CACNA1B: variants seen among roughly 807,000 people sequenced by gnomAD.
CACNA1B encodes voltage-dependent N-type calcium channel subunit alpha-1B.
A neutral mutation model predicts 247.2 loss-of-function variants in CACNA1B; 70 were observed. The observed-to-expected ratio is 0.28, with a 90% CI of 0.23 to 0.35. The LOEUF (loss-of-function observed/expected upper bound fraction) is 0.35, where lower values mean the gene tolerates loss of function less well. Ranked by LOEUF, CACNA1B falls within the 10% of genes least tolerant of loss-of-function variation. The pLI is 1.00. For missense variants in CACNA1B, 2,367 were observed against 3,197.4 expected, an observed-to-expected ratio of 0.74 and a Z score of 6.26; for synonymous variants, 1,231 against 1,294.4, an observed-to-expected ratio of 0.95 and a Z score of 1.05.
chr9:138,118,273 G>A (rs1436907521), intron 43 of CACNA1B, among the ~76,000 whole-genome samples, 192 bp downstream of exon 43: 1 of 48,212 alleles, frequency 2.1e-5, no homozygotes, highest in Admixed American at 2.0e-4. Context: ...GGTGGGGGAC[G>A]TGTGAGACTG....
At chr9:138,104,532 G>A (rs980320444) in intron 38 of CACNA1B, among the ~76,000 whole-genome samples, 2 of 152,204 alleles carry the variant, frequency 1.3e-5, no homozygotes, top group African/African-American at 2.4e-5. Flanking sequence ...AGGACTGGAC[G>A]TGGCAAGTGG....
chr9:138,076,619 G>C (rs1432602835), intron 35 of CACNA1B, among the ~76,000 whole-genome samples: 2 of 152,226 alleles, frequency 1.3e-5, no homozygotes, highest in African/African-American at 4.8e-5. Flanking sequence ...CCTGGGCGCG[G>C]AACAGGAGCT....
intron 6 of CACNA1B, among the ~76,000 whole-genome samples, chr9:137,945,956 C>A (rs1957791041): frequency 6.6e-6 from 1 of 152,136 alleles, no homozygotes; most frequent in Admixed American, 6.5e-5. Flanking sequence ...GTAACTGGGA[C>A]AACAGGCGTG....
rs955187431 is a variant in CACNA1B at position 137,983,083 on chromosome 9, G to A, written c.1657-1055G>A. 5.3e-5 allele frequency among the ~76,000 whole-genome samples: 8 copies of A among 152,334 alleles called. 1 individual carries two copies. The South Asian group carries it at 8.3e-4, about 16-fold the overall frequency. The stretch of plus-strand genomic sequence containing the variant: ...TATTCATCGTTCTCTCAGTGACTTC[G>A]TAAGAGCATTGACGTTAAGCTCATC... On this transcript the variant is annotated intron_variant, in intron 12 of 46. Coordinates refer to ENST00000371372, the MANE Select transcript of CACNA1B (RefSeq NM_000718.4).
In CACNA1B at chr9:138,052,975, A is replaced by G. The variant is rs757066686; in HGVS notation, c.3807+787A>G. On this transcript the variant is annotated intron_variant, in intron 25 of 46. Coordinates refer to ENST00000371372, the MANE Select transcript of CACNA1B (RefSeq NM_000718.4). The surrounding 1 kb of genome is among the most constrained non-coding windows in gnomAD (Gnocchi z 5.1). ...TGTGAGGTGTCTTCCCAGCTCTGAGAGCAGCATTGTGTGCACAGGGAATGC... is the reference window on the plus strand; with the variant it reads ...TGTGAGGTGTCTTCCCAGCTCTGAGGGCAGCATTGTGTGCACAGGGAATGC... 7.2e-5 allele frequency among the ~76,000 whole-genome samples: 11 copies of G among 152,200 alleles called. No homozygotes were observed. Among genetic ancestry groups the G allele is most frequent in the Non-Finnish European group, 1.6e-4 (11 of 68,034 alleles).
intron 3 of CACNA1B, among the ~76,000 whole-genome samples, chr9:137,906,698 T>C (rs183570320): frequency 6.6e-6 from 1 of 151,136 alleles, no homozygotes; most frequent in African/African-American, 2.4e-5. Context: ...ATTTAACATA[T>C]GTGTTTCTCT....
Position 138,058,229 on chromosome 9 carries a change from A to G in CACNA1B, c.4287A>G (p.Glu1429=). Reference sequence around the variant, plus strand: ...AGCAGGGGGACAAGGTGATGTCTGAATGCAGCCTGGAGAAGAACGAGGTAG... The same window carrying G: ...AGCAGGGGGACAAGGTGATGTCTGAGTGCAGCCTGGAGAAGAACGAGGTAG... ...FQEQGDKVMS[E]CSLEKNERAC... is the part of the protein sequence containing the mutation. Residue 1429 remains glutamate (E), a synonymous_variant, in exon 28 of 47, where the codon GAA becomes GAG. Transcript: ENST00000371372. The surrounding 1 kb of genome is among the most constrained non-coding windows in gnomAD (Gnocchi z 4.7). 6.2e-7 allele frequency: 1 copy of G among 1,613,858 alleles called. No homozygotes were observed. Among genetic ancestry groups the G allele is most frequent in the East Asian group, 2.2e-5 (1 of 44,878 alleles).
chr9:138,097,296 G>A (rs1041878785), intron 37 of CACNA1B, among the ~76,000 whole-genome samples: 2 of 152,182 alleles, frequency 1.3e-5, no homozygotes, highest in Non-Finnish European at 2.9e-5. Context: ...CAGAGGAGGA[G>A]TCGCATGAAG....
At position 138,059,330 on chromosome 9, in the gene CACNA1B, G is replaced by C; in HGVS notation, c.4584+141G>C. ...TATATGTAATGCTACAGGGGCCCTG[G>C]GGAAGGGGCTGTTCTGAGACTCTTG... On this transcript the variant is annotated intron_variant, in intron 30 of 46. Transcript: ENST00000371372. The surrounding 1 kb of genome is among the most constrained non-coding windows in gnomAD (Gnocchi z 4.2). 3.1e-6 allele frequency: 2 copies of C among 643,442 alleles called. No individual in the cohort carries two copies. The highest frequency in any genetic ancestry group is 5.5e-5 in the East Asian group (2 of 36,414). The allele number at this position is 643,442 out of a possible 1,614,324, so 39.9% of individuals were successfully genotyped here. A position where few individuals can be genotyped will look rare whatever the true frequency, so the allele number is the denominator to read the frequency against.
rs1026268587 is a variant in CACNA1B at position 137,957,412 on chromosome 9, C to T, written c.1244-186C>T. On this transcript the variant is annotated intron_variant, in intron 9 of 46. Transcript: ENST00000371372. This position sits in a 1 kb window ranked among gnomAD's most constrained non-coding sequence, Gnocchi z 4.7. ...ACCCCTCACCCTCAAAATTCCTTGT[C>T]CCTTCAGCTCTGGGGACTGGGAGGG... Among the ~76,000 whole-genome samples, 9 of 152,338 alleles carry T rather than the reference C, an allele frequency of 5.9e-5. No individual in the cohort carries two copies. The East Asian group carries it at 1.5e-3, about 26-fold the overall frequency.
At chr9:138,043,672 G>A (rs1045393515) in intron 20 of CACNA1B, 102 bp from the exon 21 acceptor site, 2 of 1,348,940 alleles carry the variant, frequency 1.5e-6, no homozygotes, top group Non-Finnish European at 2.1e-6. Flanking sequence ...GGCCTGTGAG[G>A]ACCTGACGCA....
At chr9:138,112,283 A>G in intron 39 of CACNA1B, 115 bp from the exon 40 acceptor site, 1 of 714,634 alleles carries the variant, frequency 1.4e-6, no homozygotes, top group South Asian at 1.6e-5. Context: ...TCTGTACCCC[A>G]TCTCCGCCTA....
Position 137,984,145 on chromosome 9 carries a change from T to A in CACNA1B, c.1664T>A (p.Val555Glu). ...AATGCCATCCCGTTGCAGGTCATCGTGGGGAGCGTCTTTGAAGTGGTCTGG... is the reference window on the plus strand; with the variant it reads ...AATGCCATCCCGTTGCAGGTCATCGAGGGGAGCGTCTTTGAAGTGGTCTGG... ...SFNCFDFGVI[V>E]GSVFEVVWAA... The change falls in exon 13 of 47, where the codon GTG (valine) becomes GAG (glutamate). Residue 555 changes from valine to glutamate, a missense_variant. By Grantham distance (121) the Val-to-Glu change is moderately radical. Transcript: ENST00000371372. 1.3e-6 allele frequency: 2 copies of A among 1,595,298 alleles called. No homozygotes were observed. Among genetic ancestry groups the A allele is most frequent in the Non-Finnish European group, 1.7e-6 (2 of 1,171,144 alleles).
In CACNA1B at chr9:137,986,879, G is replaced by A; in HGVS notation, c.1974+25G>A. 1 of 1,583,456 alleles carries A rather than the reference G, an allele frequency of 6.3e-7. No homozygotes were observed. Among genetic ancestry groups the A allele is most frequent in the Non-Finnish European group, 8.7e-7 (1 of 1,152,748 alleles). ...GGTAAGGCACCTGCTCTGCACATTT[G>A]CGGCCTGCCCGGCTCCCGTCTCCCC... On this transcript the variant is annotated intron_variant, in intron 15 of 46. Transcript: ENST00000371372. This position sits in a 1 kb window ranked among gnomAD's most constrained non-coding sequence, Gnocchi z 6.0.
intron 10 of CACNA1B, among the ~76,000 whole-genome samples, chr9:137,965,826 G>A (rs757811464): frequency 1.1e-4 from 16 of 152,096 alleles, no homozygotes; most frequent in South Asian, 4.1e-4. Flanking sequence ...CTCATGATCC[G>A]CCCGCCTTGG....
At chr9:137,992,758 C>T (rs1025787061) in intron 15 of CACNA1B, among the ~76,000 whole-genome samples, 3 of 150,554 alleles carry the variant, frequency 2.0e-5, no homozygotes, top group Non-Finnish European at 4.4e-5. Context: ...GATCCGGCCA[C>T]TGCACTCCAG....
chr9:138,006,803 C>T lies in CACNA1B; in HGVS notation c.2011C>T (p.His671Tyr), dbSNP rs552845454. The change falls in exon 16 of 47, where the codon CAC (histidine) becomes TAC (tyrosine). Residue 671 changes from histidine to tyrosine, a missense_variant. Transcript: ENST00000371372. ...AGAGGACTGGAATGCAGTGATGTAT[C>T]ACGGGATCGAATCGCAAGGCGGCGT... is the stretch of plus-strand genomic sequence containing the variant. Reference protein sequence around the residue: ...TGEDWNAVMYHGIESQGGVSK... With the variant: ...TGEDWNAVMYYGIESQGGVSK... 1 of 1,610,488 alleles carries T rather than the reference C, an allele frequency of 6.2e-7. No homozygotes were observed. Among genetic ancestry groups the T allele is most frequent in the East Asian group, 2.2e-5 (1 of 44,848 alleles).
chr9:138,013,134 A>C lies in CACNA1B; in HGVS notation c.2166A>C (p.Glu722Asp). 5 of 1,612,800 alleles carry C rather than the reference A, an allele frequency of 3.1e-6. No individual in the cohort carries two copies. The highest frequency in any genetic ancestry group is 4.2e-6 in the Non-Finnish European group (5 of 1,178,906). ...LANAQELTKDEEEMEEAANQK... is the reference protein window; with the variant it reads ...LANAQELTKDDEEMEEAANQK... ...ATTTCTCTTTGCTCAAACAGGATGAAGAGGAGATGGAAGAAGCAGCCAATC... is the reference window on the plus strand; with the variant it reads ...ATTTCTCTTTGCTCAAACAGGATGACGAGGAGATGGAAGAAGCAGCCAATC... The change falls in exon 18 of 47, where the codon GAA becomes GAC. Residue 722 changes from glutamate to aspartate, a missense_variant. By Grantham distance (45) the Glu-to-Asp change is conservative. This residue lies in a region of CACNA1B where 76 missense variants were observed against 191.0 expected (regional missense o/e 0.40). Transcript: ENST00000371372.
At position 138,102,938 on chromosome 9, in the gene CACNA1B, CG is replaced by C. The variant is rs1961302817; in HGVS notation, c.5319+133del. 6.8e-6 allele frequency: 4 copies of C among 590,740 alleles called. No homozygotes were observed. Among genetic ancestry groups the C allele is most frequent in the Non-Finnish European group, 1.2e-5 (4 of 331,630 alleles). 36.6% of individuals were successfully genotyped at this position (590,740 alleles called of 1,614,324 possible). A position where few individuals can be genotyped will look rare whatever the true frequency, so the allele number is the denominator to read the frequency against. ...TGTCTGCCGCTCTGCTGTGCGCCCC[CG>C]GCTGCCTCACTGTGTCTTTCTCTTC... On this transcript the variant is annotated intron_variant, in intron 38 of 46. Transcript: ENST00000371372. This position sits in a 1 kb window ranked among gnomAD's most constrained non-coding sequence, Gnocchi z 5.4.
Sources: gnomAD v4.1 joint callset for allele counts (sites outside exome capture counted in the v4.1 genomes callset) on GRCh38, gnomAD v4.1.1 for gene constraint, gnomAD v4.1.1 regional missense constraint, Gnocchi (gnomAD v3.1) non-coding constraint, MANE v1.5 for transcripts, NCBI Gene and HGNC (gene_info 2026-07-23, HGNC 2026-07-21) for gene names.